PARD3: variants seen among roughly 807,000 people sequenced by gnomAD.
PARD3 encodes the protein par-3 family cell polarity regulator.
In PARD3, 75 loss-of-function variants were observed where a neutral mutation model predicts 155.4. The observed-to-expected ratio is 0.48, with a 90% CI of 0.40 to 0.58. PARD3 has a LOEUF of 0.58. Ranked by LOEUF, PARD3 falls within the 20% of genes least tolerant of loss-of-function variation. The pLI, the probability that PARD3 is intolerant of heterozygous loss-of-function variation, is 0.00. For missense variants in PARD3, 1,642 were observed against 1,721.7 expected, an observed-to-expected ratio of 0.95 and a Z score of 0.82; for synonymous variants, 576 against 610.5, an observed-to-expected ratio of 0.94 and a Z score of 0.83.
At chr10:34,772,661 G>A (rs983155461) in intron 1 of PARD3, among the ~76,000 whole-genome samples, 4 of 151,816 alleles carry the variant, frequency 2.6e-5, no homozygotes, top group African/African-American at 9.7e-5. Context: ...AAGCGTGGTG[G>A]TGGACGCCTG....
intron 3 of PARD3, among the ~76,000 whole-genome samples, chr10:34,488,319 TTTTA>T (rs766310959): frequency 5.3e-5 from 8 of 151,846 alleles, no homozygotes; most frequent in East Asian, 1.9e-4. Flanking sequence ...ATTTATTTAT[TTTTA>T]TTTATTTATT....
chr10:34,129,832 C>CTTTTTT (rs71030099), intron 23 of PARD3, among the ~76,000 whole-genome samples: 1 of 120,124 alleles, frequency 8.3e-6, no homozygotes. Context: ...TAATTAAAAA[C>CTTTTTT]TTTTTTTTTT....
intron 1 of PARD3, 25 bp downstream of exon 1, chr10:34,814,851 C>A: frequency 1.4e-6 from 2 of 1,460,028 alleles, no homozygotes; most frequent in Non-Finnish European, 1.8e-6. Flanking sequence ...CCGCCCCCTC[C>A]CCGCCCGCGC....
At chr10:34,791,964 C>A (rs1169276093) in intron 1 of PARD3, among the ~76,000 whole-genome samples, 3 of 152,166 alleles carry the variant, frequency 2.0e-5, no homozygotes, top group Non-Finnish European at 4.4e-5. Context: ...CACGGACTTC[C>A]CTCTCTGCTT....
At chr10:34,211,141 T>G (rs944042965) in intron 22 of PARD3, among the ~76,000 whole-genome samples, 4 of 152,146 alleles carry the variant, frequency 2.6e-5, no homozygotes, top group African/African-American at 9.7e-5. Context: ...CCGATAAACA[T>G]TCGCTCTCTT....
chr10:34,242,092 T>G (rs979772179), intron 22 of PARD3, among the ~76,000 whole-genome samples: 1 of 152,224 alleles, frequency 6.6e-6, no homozygotes, highest in African/African-American at 2.4e-5. Flanking sequence ...CCAAAGTTGC[T>G]ATCATATACA....
At chr10:34,351,660 C>A (rs148407602) in intron 14 of PARD3, among the ~76,000 whole-genome samples, 179 of 152,342 alleles carry the variant, frequency 1.2e-3, no homozygotes, top group African/African-American at 3.9e-3. Flanking sequence ...CTCCTCAAGT[C>A]AGCACATGGC....
chr10:34,222,895 G>A (rs1439206209), intron 22 of PARD3, among the ~76,000 whole-genome samples: 3 of 152,260 alleles, frequency 2.0e-5, no homozygotes, highest in East Asian at 3.9e-4. Context: ...TCCCATCCTC[G>A]CCTGGCCCAC....
chr10:34,742,916 G>A (rs2095044813), intron 1 of PARD3, among the ~76,000 whole-genome samples: 1 of 152,132 alleles, frequency 6.6e-6, no homozygotes, highest in African/African-American at 2.4e-5. Context: ...CTCCTTCACT[G>A]AAAGCAGGAG....
chr10:34,540,330 T>TAAA (rs554974256), intron 2 of PARD3, among the ~76,000 whole-genome samples: 1 of 144,306 alleles, frequency 6.9e-6, no homozygotes, highest in Non-Finnish European at 1.5e-5. Flanking sequence ...CACACTATAT[T>TAAA]AAAAAAAAAA....
At chr10:34,419,969 C>T (rs916784706) in intron 5 of PARD3, among the ~76,000 whole-genome samples, 2 of 152,194 alleles carry the variant, frequency 1.3e-5, no homozygotes, top group Non-Finnish European at 2.9e-5. Context: ...TTGATTGAGA[C>T]AGAGTCTTGC....
intron 8 of PARD3, among the ~76,000 whole-genome samples, chr10:34,383,401 A>ACACACT (rs921315985): frequency 2.7e-5 from 4 of 149,612 alleles, no homozygotes; most frequent in African/African-American, 1.0e-4. Flanking sequence ...ACACACACAC[A>ACACACT]CACACACACA....
Position 34,482,032 on chromosome 10 carries a change from C to CTTTTTTTTTTTTTT in PARD3, c.404-11783_404-11770dup, listed in dbSNP as rs58877037. 1.4e-3 allele frequency among the ~76,000 whole-genome samples: 140 copies of CTTTTTTTTTTTTTT among 101,570 alleles called. 14 individuals are homozygous for CTTTTTTTTTTTTTT. Among genetic ancestry groups the CTTTTTTTTTTTTTT allele is most frequent in the African/African-American group, 6.2e-3 (126 of 20,430 alleles). The allele number at this position is 101,570 out of a possible 152,430, so 66.6% of individuals were successfully genotyped here. Reference sequence around the variant, plus strand: ...ACCACTGTGCCCTGCTAATTTTTATCTTTTTTTTTTTTTTTTTTTTGAAGC... The same window carrying CTTTTTTTTTTTTTT: ...ACCACTGTGCCCTGCTAATTTTTATCTTTTTTTTTTTTTTTTTTTTTTTTTTTTTTTTTTGAAGC... On this transcript the variant is annotated intron_variant, in intron 3 of 24. Transcript: ENST00000374788.
At chr10:34,510,446 T>A (rs1321052179) in intron 3 of PARD3, among the ~76,000 whole-genome samples, 1 of 152,190 alleles carries the variant, frequency 6.6e-6, no homozygotes, top group Non-Finnish European at 1.5e-5. Flanking sequence ...AAGCAAAACG[T>A]TACATATTTG....
chr10:34,488,794 C>T lies in PARD3; in HGVS notation c.404-18531G>A, dbSNP rs144575883. 503 of 154,924 alleles carry T rather than the reference C, an allele frequency of 3.2e-3. 4 individuals are homozygous for T. Among genetic ancestry groups the T allele is most frequent in the Non-Finnish European group, 5.1e-3 (353 of 69,560 alleles). 9.6% of individuals were successfully genotyped at this position (154,924 alleles called of 1,614,324 possible). A position where few individuals can be genotyped will look rare whatever the true frequency, so the allele number is the denominator to read the frequency against. On this transcript the variant is annotated intron_variant, in intron 3 of 24. Coordinates refer to ENST00000374788, the MANE Select transcript of PARD3 (RefSeq NM_001184785.2). ...GTACAGCTGCTGAGGATGCCCTCGA[C>T]GATGCACTTCAACTCAAACACCATG...
intron 1 of PARD3, among the ~76,000 whole-genome samples, chr10:34,701,339 T>A (rs1042717172): frequency 4.9e-4 from 67 of 136,898 alleles, no homozygotes; most frequent in Middle Eastern, 3.5e-3. Flanking sequence ...GGGGATGTTG[T>A]TGTTGTTGTT....
At chr10:34,125,811 C>T (rs1947258484) in intron 23 of PARD3, among the ~76,000 whole-genome samples, 1 of 152,218 alleles carries the variant, frequency 6.6e-6, no homozygotes, top group Admixed American at 6.5e-5. Flanking sequence ...TTCAGTCACT[C>T]CCAACCTGGG....
At chr10:34,749,435 T>C (rs1403900777) in intron 1 of PARD3, among the ~76,000 whole-genome samples, 2 of 151,792 alleles carry the variant, frequency 1.3e-5, no homozygotes, top group Non-Finnish European at 2.9e-5. Flanking sequence ...GGATTATTAG[T>C]TTTGAAGGTT....
chr10:34,286,043 G>A (rs1360125042), intron 20 of PARD3, among the ~76,000 whole-genome samples: 4 of 152,124 alleles, frequency 2.6e-5, no homozygotes, highest in Admixed American at 2.0e-4. Flanking sequence ...TACATGCTAT[G>A]CATTTAAAAC....
Sources: gnomAD v4.1 joint callset for allele counts (sites outside exome capture counted in the v4.1 genomes callset) on GRCh38, gnomAD v4.1.1 for gene constraint, MANE v1.5 for transcripts, NCBI Gene and HGNC (gene_info 2026-07-23, HGNC 2026-07-21) for gene names.